Variants in ARL15 observed in about 807,000 individuals in gnomAD.
The protein encoded by ARL15 is ADP-ribosylation factor-like protein 15.
ARL15 carries 19 observed loss-of-function variants against 25.2 expected under a neutral mutation model. The ratio of observed to expected loss-of-function variants is 0.75; its 90% CI spans 0.53 to 1.10. ARL15 has a LOEUF of 1.10. Among genes scored for constraint, ARL15 ranks in the 50% least tolerant of loss-of-function variants. The pLI, the probability that ARL15 is intolerant of heterozygous loss-of-function variation, is 0.00. For synonymous variants in ARL15, 94 were observed against 86.8 expected (o/e 1.08, Z -0.46); for missense variants, 220 against 246.0 (o/e 0.89, Z 0.71).
At chr5:53,888,403 C>T (rs1001889918) in intron 4 of ARL15, among the ~76,000 whole-genome samples, 5 of 152,076 alleles carry the variant, frequency 3.3e-5, no homozygotes, top group Non-Finnish European at 7.4e-5. Flanking sequence ...ACCTTAGCCT[C>T]CTCAGTAGCT....
chr5:54,174,900 G>C (rs1754820511), intron 1 of ARL15, among the ~76,000 whole-genome samples: 1 of 152,196 alleles, frequency 6.6e-6, no homozygotes, highest in African/African-American at 2.4e-5. Flanking sequence ...TAGTCACACA[G>C]TTTCTTTTAC....
At chr5:54,124,581 T>G (rs1338790929) in intron 3 of ARL15, among the ~76,000 whole-genome samples, 1 of 152,210 alleles carries the variant, frequency 6.6e-6, no homozygotes, top group Non-Finnish European at 1.5e-5. Flanking sequence ...AATCAGATCA[T>G]TCTATTCAAC....
chr5:54,223,589 C>A (rs549765758), intron 1 of ARL15, among the ~76,000 whole-genome samples: 6 of 152,088 alleles, frequency 3.9e-5, no homozygotes, highest in African/African-American at 1.4e-4. Context: ...TCACAGATAA[C>A]CTTGGTAACA....
intron 1 of ARL15, among the ~76,000 whole-genome samples, chr5:54,288,924 G>A (rs1481033943): frequency 1.3e-5 from 2 of 152,194 alleles, no homozygotes; most frequent in African/African-American, 4.8e-5. Context: ...AGGAGTAGAT[G>A]AGACTTGCAA....
intron 4 of ARL15, among the ~76,000 whole-genome samples, chr5:54,064,122 C>T (rs956966126): frequency 1.3e-5 from 2 of 152,164 alleles, no homozygotes; most frequent in Non-Finnish European, 2.9e-5. Flanking sequence ...CTTTCTCCCA[C>T]GGAAGTGCAT....
Position 54,201,843 on chromosome 5 carries a change from C to T in ARL15, c.49-29915G>A, listed in dbSNP as rs117913954. ...ACCCTAAGTCACAATGGACCATCTC[C>T]TTGACCTCCTAACTTTAGTAACTAG... On this transcript the variant is annotated intron_variant, in intron 1 of 4. Transcript: ENST00000504924. Among the ~76,000 whole-genome samples the T allele has an allele frequency of 1.1e-3, 169 of 152,202 alleles. 1 individual carries two copies. The East Asian group carries it at 0.028, about 25-fold the overall frequency.
intron 2 of ARL15, 77 bp downstream of exon 2, chr5:54,171,707 G>C (rs1281056520): frequency 2.1e-6 from 3 of 1,456,372 alleles, no homozygotes; most frequent in Non-Finnish European, 2.8e-6. Context: ...GTAGAAGGGA[G>C]GGGATAAATT....
chr5:54,162,128 G>A (rs1258613797), intron 2 of ARL15, among the ~76,000 whole-genome samples: 4 of 152,106 alleles, frequency 2.6e-5, no homozygotes, highest in Admixed American at 6.6e-5. Flanking sequence ...GCACTGAACA[G>A]TTGTGGATCC....
At chr5:54,159,984 C>A (rs3797270) in intron 2 of ARL15, among the ~76,000 whole-genome samples, 7,114 of 152,288 alleles carry the variant, frequency 0.047, 245 homozygotes, top group East Asian at 0.15. Context: ...ACAGACTAAA[C>A]CCTCCTCCCC....
At chr5:54,272,806 TA>T (rs1757824214) in intron 1 of ARL15, among the ~76,000 whole-genome samples, 1 of 152,208 alleles carries the variant, frequency 6.6e-6, no homozygotes, top group South Asian at 2.1e-4. Context: ...ATAGAATACA[TA>T]ATTAGAACTT....
chr5:54,198,882 T>C (rs954823048), intron 1 of ARL15, among the ~76,000 whole-genome samples: 5 of 152,012 alleles, frequency 3.3e-5, no homozygotes, highest in East Asian at 1.9e-4. Flanking sequence ...CATCACGCTA[T>C]CTGACTTCAA....
chr5:54,114,769 T>C (rs1469795326), intron 3 of ARL15, among the ~76,000 whole-genome samples: 1 of 152,142 alleles, frequency 6.6e-6, no homozygotes, highest in Non-Finnish European at 1.5e-5. Flanking sequence ...ATGGTGACTG[T>C]TTTCATCACT....
At chr5:54,163,356 C>CTTTTT (rs869196680) in intron 2 of ARL15, among the ~76,000 whole-genome samples, 2 of 55,652 alleles carry the variant, frequency 3.6e-5, no homozygotes, top group Non-Finnish European at 6.9e-5. Flanking sequence ...TGGTATGAAG[C>CTTTTT]TTTTTTTTTT....
chr5:54,257,245 G>A (rs1263841949), intron 1 of ARL15, among the ~76,000 whole-genome samples: 4 of 152,138 alleles, frequency 2.6e-5, no homozygotes, highest in African/African-American at 9.7e-5. Flanking sequence ...AAACGACCAA[G>A]CTGAGAATCA....
At chr5:54,048,634 C>T in intron 4 of ARL15, among the ~76,000 whole-genome samples, 1 of 151,722 alleles carries the variant, frequency 6.6e-6, no homozygotes, top group Middle Eastern at 3.2e-3. Flanking sequence ...AACTCCTGAC[C>T]TCAAGTGATC....
chr5:53,998,443 C>G (rs748328907), intron 4 of ARL15, among the ~76,000 whole-genome samples: 5 of 152,108 alleles, frequency 3.3e-5, no homozygotes, highest in Non-Finnish European at 5.9e-5. Flanking sequence ...TCCTTCTTAG[C>G]TCCGCTCAAA....
chr5:53,972,558 A>G (rs1747787040), intron 4 of ARL15, among the ~76,000 whole-genome samples: 1 of 151,930 alleles, frequency 6.6e-6, no homozygotes. Flanking sequence ...ACCAGGTAAC[A>G]TTTGTTTCTT....
intron 4 of ARL15, among the ~76,000 whole-genome samples, chr5:54,109,927 CTGT>C (rs556107317): frequency 1.1e-4 from 16 of 151,876 alleles, no homozygotes; most frequent in South Asian, 2.1e-4. Context: ...TAGAGTTTTG[CTGT>C]TGTTGTTGTT....
At chr5:54,271,779 C>T (rs557752332) in intron 1 of ARL15, among the ~76,000 whole-genome samples, 1 of 152,070 alleles carries the variant, frequency 6.6e-6, no homozygotes, top group Non-Finnish European at 1.5e-5. Context: ...TTCAGATTCA[C>T]CTTATATAAT....
Sources: gnomAD v4.1 joint callset for allele counts (sites outside exome capture counted in the v4.1 genomes callset) on GRCh38, gnomAD v4.1.1 for gene constraint, MANE v1.5 for transcripts, NCBI Gene and HGNC (gene_info 2026-07-23, HGNC 2026-07-21) for gene names.